ERCC6L2: variants seen among roughly 807,000 people sequenced by gnomAD.
ERCC6L2 encodes the protein DNA excision repair protein ERCC-6-like 2.
Under a neutral mutation model 132.0 loss-of-function variants are expected in ERCC6L2, and 77 were observed. The observed-to-expected ratio is 0.58, with a 90% CI of 0.49 to 0.71. ERCC6L2 has a LOEUF of 0.71. Among genes scored for constraint, ERCC6L2 ranks in the 30% least tolerant of loss-of-function variants. The probability of loss-of-function intolerance (pLI) is 0.00; values close to 1 mark genes in which losing one functional copy is unlikely to be tolerated. For synonymous variants in ERCC6L2, 583 were observed against 632.4 expected (o/e 0.92, Z 1.17); for missense variants, 1,542 against 1,837.6 (o/e 0.84, Z 2.94).
intron 11 of ERCC6L2, among the ~76,000 whole-genome samples, chr9:95,929,775 A>G (rs1370536392): frequency 1.3e-5 from 2 of 152,186 alleles, no homozygotes; most frequent in Non-Finnish European, 2.9e-5. Context: ...AATGACATAG[A>G]ATACTGTGGT....
chr9:96,020,822 C>T (rs112069323), downstream of ERCC6L2: 2 of 456,732 alleles, frequency 4.4e-6, no homozygotes, highest in Middle Eastern at 3.3e-4. Context: ...CTCCAGTCTC[C>T]CTTGGCCGTT....
At chr9:96,003,806 AATTGT>A (rs1413440376) in intron 17 of ERCC6L2, among the ~76,000 whole-genome samples, 1 of 152,134 alleles carries the variant, frequency 6.6e-6, no homozygotes, top group East Asian at 1.9e-4. Context: ...GTTATTGTTA[AATTGT>A]ATTTAGTATT....
At position 95,883,258 on chromosome 9, in the gene ERCC6L2, A is replaced by G. The variant is rs571866866; in HGVS notation, c.471+1965A>G. Among the ~76,000 whole-genome samples the G allele has an allele frequency of 7.9e-5, 12 of 152,190 alleles. No homozygotes were observed. The East Asian group carries it at 2.3e-3, about 29-fold the overall frequency. On this transcript the variant is annotated intron_variant, in intron 2 of 18. Transcript: ENST00000653738. ...TTTCTTCTCTGCTGTAAAAACTCCT[A>G]ATTTTAATCAGGGAGATGGATTTGA...
chr9:95,948,059 A>T (rs1369991189), intron 12 of ERCC6L2, among the ~76,000 whole-genome samples: 1 of 152,210 alleles, frequency 6.6e-6, no homozygotes, highest in East Asian at 1.9e-4. Flanking sequence ...TTTAAGAAAC[A>T]CATTTTGTAA....
At chr9:96,034,217 G>T (rs1383829435) in intron 19 of ERCC6L2, among the ~76,000 whole-genome samples, 3 of 152,252 alleles carry the variant, frequency 2.0e-5, no homozygotes, top group Admixed American at 2.0e-4. Context: ...TCCCCAGAGG[G>T]TTCACCTCGG....
chr9:95,918,631 C>G (rs1218988595), intron 6 of ERCC6L2: 6 of 231,342 alleles, frequency 2.6e-5, no homozygotes, highest in Non-Finnish European at 3.6e-5. Context: ...CATGTCTACT[C>G]TTGGGATTGT....
intron 11 of ERCC6L2, among the ~76,000 whole-genome samples, chr9:95,933,137 G>A (rs568181689): frequency 6.6e-6 from 1 of 152,252 alleles, no homozygotes; most frequent in Admixed American, 6.5e-5. Flanking sequence ...CTCATATATG[G>A]CATCTGAGAT....
intron 2 of ERCC6L2, among the ~76,000 whole-genome samples, chr9:95,891,123 G>A (rs981914293): frequency 6.6e-6 from 1 of 152,162 alleles, no homozygotes; most frequent in Non-Finnish European, 1.5e-5. Flanking sequence ...TGAGGCAGGA[G>A]AATCACTTGC....
intron 19 of ERCC6L2, among the ~76,000 whole-genome samples, chr9:96,026,476 G>C (rs1021749905): frequency 6.6e-6 from 1 of 152,088 alleles, no homozygotes; most frequent in Admixed American, 6.5e-5. Context: ...CTCTGGGTCA[G>C]CTGGTCCCCA....
intron 14 of ERCC6L2, chr9:95,967,414 T>C (rs1832206842): frequency 6.6e-6 from 1 of 152,172 alleles, no homozygotes; most frequent in Admixed American, 6.6e-5. Flanking sequence ...TTCTCTTGAC[T>C]TCCAGGACTT....
Position 95,916,413 on chromosome 9 carries a change from G to A in ERCC6L2, c.1137G>A (p.Gln379=). 4 of 1,573,668 alleles carry A rather than the reference G, an allele frequency of 2.5e-6. No individual in the cohort carries two copies. The highest frequency in any genetic ancestry group is 3.4e-6 in the Non-Finnish European group (4 of 1,165,896). ...GCACCAAGACTCTTATCAAGGATCAGTTGCCTAAGAAGGAAGACCGGGTAA... is the reference window on the plus strand; with the variant it reads ...GCACCAAGACTCTTATCAAGGATCAATTGCCTAAGAAGGAAGACCGGGTAA... ...LRRTKTLIKD[Q]LPKKEDRMVY... Residue 379 remains glutamine (Q), a synonymous_variant, in exon 6 of 19, where the codon CAG becomes CAA. Coordinates refer to ENST00000653738, the MANE Select transcript of ERCC6L2 (RefSeq NM_020207.7).
chr9:95,979,250 A>G (rs1358984893), intron 17 of ERCC6L2, among the ~76,000 whole-genome samples: 1 of 152,212 alleles, frequency 6.6e-6, no homozygotes, highest in Non-Finnish European at 1.5e-5. Context: ...GGTGGTCACA[A>G]TGACTGAATG....
chr9:95,957,173 A>G (rs572961935), intron 13 of ERCC6L2, among the ~76,000 whole-genome samples: 11 of 152,198 alleles, frequency 7.2e-5, no homozygotes, highest in Non-Finnish European at 1.5e-4. Context: ...TTACAACTGG[A>G]TACTTGAGAC....
chr9:96,008,438 A>G (rs1376149656), intron 18 of ERCC6L2, among the ~76,000 whole-genome samples: 1 of 152,022 alleles, frequency 6.6e-6, no homozygotes, highest in Non-Finnish European at 1.5e-5. Context: ...TTTTCCATGT[A>G]TTTGTGACCT....
chr9:95,881,358 A>G, intron 2 of ERCC6L2, 65 bp downstream of exon 2: 11 of 1,264,996 alleles, frequency 8.7e-6, no homozygotes, highest in Non-Finnish European at 1.2e-5. Context: ...CTATATGTAA[A>G]TCTTTATTTG....
At chr9:95,922,215 T>C (rs144195273) in intron 7 of ERCC6L2, 90 bp from the exon 8 acceptor site, 81 of 581,836 alleles carry the variant, frequency 1.4e-4, no homozygotes, top group African/African-American at 1.3e-3. Context: ...AACCCGATAA[T>C]AAATGTTATT....
downstream of ERCC6L2, chr9:96,020,179 TA>T (rs1037781075): frequency 1.7e-3 from 256 of 150,724 alleles, no homozygotes; most frequent in Admixed American, 3.9e-3. Flanking sequence ...GATACTCCGT[TA>T]AAAAAAAAAA....
intron 15 of ERCC6L2, 50 bp downstream of exon 15, chr9:95,970,706 G>C: frequency 8.5e-7 from 1 of 1,178,570 alleles, no homozygotes; most frequent in South Asian, 1.5e-5. Flanking sequence ...AACATGTACT[G>C]TGACAATTTT....
chr9:95,940,953 C>T (rs532819685), intron 11 of ERCC6L2, among the ~76,000 whole-genome samples: 1 of 152,190 alleles, frequency 6.6e-6, no homozygotes, highest in African/African-American at 2.4e-5. Context: ...GACTCACTGC[C>T]ATGCCATTCC....
Sources: gnomAD v4.1 joint callset for allele counts (sites outside exome capture counted in the v4.1 genomes callset) on GRCh38, gnomAD v4.1.1 for gene constraint, MANE v1.5 for transcripts, NCBI Gene and HGNC (gene_info 2026-07-23, HGNC 2026-07-21) for gene names.